GLB1: variants seen among roughly 807,000 people sequenced by gnomAD.
GLB1 encodes galactosidase beta 1.
GLB1 carries 56 observed loss-of-function variants against 74.0 expected under a neutral mutation model. The observed-to-expected ratio is 0.76, with a 90% CI of 0.61 to 0.94. GLB1 has a LOEUF of 0.94. Among genes scored for constraint, GLB1 ranks in the 40% least tolerant of loss-of-function variants. GLB1 has a pLI of 0.00. For missense variants in GLB1, 787 were observed against 845.5 expected, an observed-to-expected ratio of 0.93 and a Z score of 0.86; for synonymous variants, 323 against 323.6, an observed-to-expected ratio of 1.00 and a Z score of 0.02.
the GLB1 span, among the ~76,000 whole-genome samples, chr3:32,971,346 A>G: frequency 6.6e-6 from 1 of 152,240 alleles, no homozygotes; most frequent in Non-Finnish European, 1.5e-5. Flanking sequence ...AAATGCATCC[A>G]ACCCTGCAAT....
At position 33,014,300 on chromosome 3, in the gene GLB1, G is replaced by T; in HGVS notation, c.1490C>A (p.Ser497Tyr). ...GATATTGGAACTGAGAGTCAGGTTA[G>T]AAACCAAACCCTGCAAAGCAGAAAC... is the stretch of plus-strand genomic sequence containing the variant. The part of the protein sequence containing the change: ...AYINDFKGLV[S>Y]NLTLSSNILT... The change falls in exon 15 of 16, where the codon TCT becomes TAT. Residue 497 changes from serine to tyrosine, a missense_variant. By Grantham distance (144) the Ser-to-Tyr change is moderately radical. Coordinates refer to ENST00000307363, the MANE Select transcript of GLB1 (RefSeq NM_000404.4). 1 of 1,613,986 alleles carries T rather than the reference G, an allele frequency of 6.2e-7. No individual in the cohort carries two copies. The highest frequency in any genetic ancestry group is 8.5e-7 in the Non-Finnish European group (1 of 1,179,936).
At chr3:32,973,569 C>T in the GLB1 span, among the ~76,000 whole-genome samples, 1 of 152,044 alleles carries the variant, frequency 6.6e-6, no homozygotes, top group Non-Finnish European at 1.5e-5. Flanking sequence ...TGGTCTTGAA[C>T]TCCTGACCTC....
rs551873844 is a variant in GLB1, at chr3:33,046,356, G to T, written c.956-124C>A. ...AGAAGACACATTAAAACCACTTGTTGGGAGACACAGACGTGACCCTCAGGA... is the reference window on the plus strand; with the variant it reads ...AGAAGACACATTAAAACCACTTGTTTGGAGACACAGACGTGACCCTCAGGA... On this transcript the variant is annotated intron_variant, in intron 9 of 15. Transcript: ENST00000307363. 6.2e-5 allele frequency: 69 copies of T among 1,117,718 alleles called. 2 individuals carry two copies. The South Asian group carries it at 8.8e-4, about 14-fold the overall frequency. 69.2% of individuals were successfully genotyped at this position (1,117,718 alleles called of 1,614,324 possible).
chr3:33,068,176 C>G, intron 4 of GLB1, 54 bp downstream of exon 4: 1 of 1,612,224 alleles, frequency 6.2e-7, no homozygotes, highest in Non-Finnish European at 8.5e-7. Context: ...CGTGAGCCAC[C>G]GCACCTAGGC....
chr3:33,084,902 A>G (rs1482128640), intron 1 of GLB1, among the ~76,000 whole-genome samples: 1 of 152,186 alleles, frequency 6.6e-6, no homozygotes, highest in Non-Finnish European at 1.5e-5. Context: ...TGACGTTACT[A>G]TTTTGGTTCT....
chr3:32,992,668 T>C (rs1287798462), downstream of GLB1, among the ~76,000 whole-genome samples: 2 of 152,196 alleles, frequency 1.3e-5, no homozygotes, highest in Non-Finnish European at 2.9e-5. Flanking sequence ...CCTCAAAGCC[T>C]GTCCTGTTGT....
the GLB1 span, among the ~76,000 whole-genome samples, chr3:32,973,091 G>A: frequency 1.1e-4 from 16 of 152,262 alleles, no homozygotes; most frequent in African/African-American, 3.4e-4. Flanking sequence ...CCTCACCCAC[G>A]AAATGCTTAA....
rs143512922 is a variant in GLB1, at chr3:33,006,418, AC to A, written c.1734+7637del. Among the ~76,000 whole-genome samples, 1,035 of 148,684 alleles carry A rather than the reference AC, an allele frequency of 7.0e-3. 13 individuals carry two copies. The highest frequency in any genetic ancestry group is 0.024 in the African/African-American group (986 of 40,350). On this transcript the variant is annotated intron_variant, in intron 15 of 15. Transcript: ENST00000307363. ...ACAGTTTCATCCCAAAACCATTTCC[AC>A]CCCCCCACCCCTGACCACACAGTCC... is the stretch of plus-strand genomic sequence containing the variant.
chr3:33,050,857 A>T (rs570480450), intron 9 of GLB1, among the ~76,000 whole-genome samples: 1 of 152,354 alleles, frequency 6.6e-6, no homozygotes, highest in Non-Finnish European at 1.5e-5. Flanking sequence ...AGCTACAGTT[A>T]TAGACTGTGA....
intron 15 of GLB1, among the ~76,000 whole-genome samples, chr3:33,009,457 G>A (rs1696931425): frequency 6.6e-6 from 1 of 152,118 alleles, no homozygotes; most frequent in African/African-American, 2.4e-5. Flanking sequence ...AGGAGGCGGA[G>A]GTTGCAGTGA....
chr3:32,981,635 G>A, the GLB1 span, among the ~76,000 whole-genome samples: 1 of 151,622 alleles, frequency 6.6e-6, no homozygotes, highest in Non-Finnish European at 1.5e-5. Flanking sequence ...TTAGCCAGGC[G>A]TCATGGCGCA....
At chr3:32,995,702 G>A (rs1039803911), downstream of GLB1, among the ~76,000 whole-genome samples, 3 of 151,618 alleles carry the variant, frequency 2.0e-5, no homozygotes, top group South Asian at 2.1e-4. Context: ...CTACAGGGCC[G>A]GGTGCAGTGG....
chr3:32,964,469 A>G, the GLB1 span, among the ~76,000 whole-genome samples: 1 of 152,214 alleles, frequency 6.6e-6, no homozygotes, highest in East Asian at 1.9e-4. Context: ...AGGGTTACAG[A>G]TCTGTTCATT....
At chr3:33,033,356 C>T (rs1575431052) in intron 10 of GLB1, among the ~76,000 whole-genome samples, 1 of 152,260 alleles carries the variant, frequency 6.6e-6, no homozygotes, top group Admixed American at 6.5e-5. Flanking sequence ...AAATGTGAAG[C>T]TTTTGTTTTT....
At chr3:32,996,559 A>C (rs1029423940), downstream of GLB1, 8 of 222,496 alleles carry the variant, frequency 3.6e-5, no homozygotes, top group Non-Finnish European at 7.2e-5. Flanking sequence ...GTCCAAAAGC[A>C]AGTCAAATAA....
At chr3:33,050,974 A>G (rs1698950253) in intron 9 of GLB1, among the ~76,000 whole-genome samples, 1 of 152,244 alleles carries the variant, frequency 6.6e-6, no homozygotes, top group Admixed American at 6.5e-5. Flanking sequence ...CACGCCTGTA[A>G]TCCCAGAACT....
chr3:32,984,840 G>A, the GLB1 span, among the ~76,000 whole-genome samples: 5 of 152,054 alleles, frequency 3.3e-5, no homozygotes, highest in Non-Finnish European at 7.4e-5. Flanking sequence ...TTCTCAGGAG[G>A]CTGAGGCAGG....
intron 15 of GLB1, among the ~76,000 whole-genome samples, chr3:33,005,703 C>T (rs1169659467): frequency 6.6e-6 from 1 of 152,060 alleles, no homozygotes; most frequent in Admixed American, 6.6e-5. Flanking sequence ...ATTAAGTTGC[C>T]TAGGCTGGTC....
chr3:33,049,039 T>C (rs1358579358), intron 9 of GLB1, among the ~76,000 whole-genome samples: 1 of 150,954 alleles, frequency 6.6e-6, no homozygotes. Context: ...TAATGTCCAA[T>C]TTTTTTTTAA....
Sources: allele counts gnomAD v4.1 joint callset (sites outside exome capture counted in the v4.1 genomes callset), GRCh38; gene constraint gnomAD v4.1.1; transcripts MANE v1.5; gene names NCBI Gene and HGNC (gene_info 2026-07-23, HGNC 2026-07-21).